The following UNC5C variants were observed in gnomAD, a reference collection of about 807,000 sequenced individuals.
UNC5C encodes the protein unc-5 netrin receptor C.
Under a neutral mutation model 99.8 loss-of-function variants are expected in UNC5C, and 47 were observed. The observed-to-expected ratio is 0.47, with a 90% CI of 0.37 to 0.60. The LOEUF is 0.60. Ranked by LOEUF, UNC5C falls within the 20% of genes least tolerant of loss-of-function variation. UNC5C has a pLI of 0.00. For missense variants in UNC5C, 1,062 were observed against 1,165.9 expected (o/e 0.91, Z 1.30); for synonymous variants, 487 against 452.2 (o/e 1.08, Z -0.98).
At chr4:95,544,171 G>A (rs918111810) in intron 1 of UNC5C, among the ~76,000 whole-genome samples, 7 of 152,260 alleles carry the variant, frequency 4.6e-5, no homozygotes, top group African/African-American at 7.2e-5. Context: ...ACTAAGGCAC[G>A]GAAACGTTAA....
At chr4:95,510,814 ATTC>A (rs1722051218) in intron 1 of UNC5C, among the ~76,000 whole-genome samples, 1 of 152,130 alleles carries the variant, frequency 6.6e-6, no homozygotes, top group South Asian at 2.1e-4. Context: ...CCTGTGGAAT[ATTC>A]TTCAACACTG....
chr4:95,402,980 T>G (rs1745741168), intron 1 of UNC5C, among the ~76,000 whole-genome samples: 1 of 152,182 alleles, frequency 6.6e-6, no homozygotes, highest in Non-Finnish European at 1.5e-5. Context: ...TAAAAATACA[T>G]TGTAAGGTGT....
intron 1 of UNC5C, among the ~76,000 whole-genome samples, chr4:95,414,440 T>C (rs950823617): frequency 1.3e-5 from 2 of 152,228 alleles, no homozygotes; most frequent in Non-Finnish European, 2.9e-5. Context: ...CTGTGAAGCC[T>C]GTCAGCAGTG....
chr4:95,420,845 G>T (rs1360590287), intron 1 of UNC5C, among the ~76,000 whole-genome samples: 2 of 152,122 alleles, frequency 1.3e-5, no homozygotes, highest in Non-Finnish European at 2.9e-5. Context: ...ATGAAGAAAA[G>T]TTTCCACTAA....
At chr4:95,335,178 C>G (rs972755920) in intron 2 of UNC5C, among the ~76,000 whole-genome samples, 65 of 151,936 alleles carry the variant, frequency 4.3e-4, no homozygotes, top group African/African-American at 1.2e-3. Flanking sequence ...AAGTATGAAC[C>G]ATGTTTTAAT....
chr4:95,223,141 G>A (rs1330849506), intron 7 of UNC5C, among the ~76,000 whole-genome samples: 1 of 152,098 alleles, frequency 6.6e-6, no homozygotes, highest in African/African-American at 2.4e-5. Flanking sequence ...GAATAAGATA[G>A]GGAAAAGTCA....
chr4:95,266,981 C>T (rs957637548), intron 4 of UNC5C, among the ~76,000 whole-genome samples: 2 of 152,166 alleles, frequency 1.3e-5, no homozygotes, highest in Non-Finnish European at 2.9e-5. Context: ...AAAAATGAAG[C>T]TACCAAAGAC....
chr4:95,353,059 A>T (rs1744045473), intron 1 of UNC5C, among the ~76,000 whole-genome samples: 1 of 152,130 alleles, frequency 6.6e-6, no homozygotes, highest in East Asian at 1.9e-4. Context: ...AGCCTTTAAA[A>T]TTTTTTCCAC....
chr4:95,434,448 C>G (rs538029227), intron 1 of UNC5C, among the ~76,000 whole-genome samples: 2 of 152,052 alleles, frequency 1.3e-5, no homozygotes, highest in South Asian at 4.2e-4. Context: ...AGAAGGGGCA[C>G]CTTACTTGAA....
intron 1 of UNC5C, among the ~76,000 whole-genome samples, chr4:95,481,988 C>T (rs1721171222): frequency 6.6e-6 from 1 of 152,176 alleles, no homozygotes; most frequent in South Asian, 2.1e-4. Context: ...GCAATGGCAA[C>T]AAAAGCCAAA....
intron 10 of UNC5C, among the ~76,000 whole-genome samples, chr4:95,210,148 A>G (rs528453854): frequency 6.6e-6 from 1 of 152,192 alleles, no homozygotes; most frequent in African/African-American, 2.4e-5. Flanking sequence ...CTGGCATGCA[A>G]TATTGATGGG....
At chr4:95,352,048 C>G (rs1744011686) in intron 1 of UNC5C, among the ~76,000 whole-genome samples, 1 of 152,128 alleles carries the variant, frequency 6.6e-6, no homozygotes, top group Admixed American at 6.6e-5. Context: ...TTTAGTCTCT[C>G]CCCAAGGCAT....
Position 95,339,903 on chromosome 4 carries a change from C to T in UNC5C, c.125-4272G>A, listed in dbSNP as rs187218067. Among the ~76,000 whole-genome samples the T allele has an allele frequency of 9.2e-5, 14 of 151,946 alleles. No individual in the cohort carries two copies. In the East Asian group the frequency reaches 1.4e-3, roughly 15 times the overall value. On this transcript the variant is annotated intron_variant, in intron 1 of 15. Coordinates refer to ENST00000453304, the MANE Select transcript of UNC5C (RefSeq NM_003728.4). ...TAACGCATTTTTGATTTAGATGTAACGCTATTATTCATTTTACCCTCCTCT... is the reference window on the plus strand; with the variant it reads ...TAACGCATTTTTGATTTAGATGTAATGCTATTATTCATTTTACCCTCCTCT...
At chr4:95,289,557 C>G (rs1579298891) in intron 3 of UNC5C, among the ~76,000 whole-genome samples, 1 of 152,126 alleles carries the variant, frequency 6.6e-6, no homozygotes, top group Non-Finnish European at 1.5e-5. Context: ...TGAACACATT[C>G]TAATATTTTT....
Position 95,288,161 on chromosome 4 carries a change from A to G in UNC5C, c.491-9799T>C, listed in dbSNP as rs186330056. ...GCAGTGGCGCGACCTCTGCTCACTG[A>G]AAACTCTGCCTCCTGGTTTCACACC... On this transcript the variant is annotated intron_variant, in intron 3 of 15. Coordinates refer to ENST00000453304, the MANE Select transcript of UNC5C (RefSeq NM_003728.4). 4.0e-4 allele frequency among the ~76,000 whole-genome samples: 60 copies of G among 151,862 alleles called. 1 individual carries two copies. In the East Asian group the frequency reaches 0.011, roughly 27 times the overall value.
chr4:95,538,607 T>A (rs1293659306), intron 1 of UNC5C, among the ~76,000 whole-genome samples: 1 of 152,152 alleles, frequency 6.6e-6, no homozygotes, highest in African/African-American at 2.4e-5. Flanking sequence ...CCCCACATCA[T>A]CAATGAATGG....
At chr4:95,329,639 G>A (rs986263157) in intron 2 of UNC5C, among the ~76,000 whole-genome samples, 7 of 152,068 alleles carry the variant, frequency 4.6e-5, no homozygotes, top group African/African-American at 7.2e-5. Context: ...AACTCTGCTC[G>A]ATTTTCTATT....
intron 14 of UNC5C, 63 bp downstream of exon 14, chr4:95,182,834 A>C: frequency 2.9e-5 from 45 of 1,538,916 alleles, no homozygotes; most frequent in East Asian, 4.6e-5. Context: ...CTTTTAGCCC[A>C]CACACTCTGT....
chr4:95,436,904 A>T (rs947385238), intron 1 of UNC5C, among the ~76,000 whole-genome samples: 1 of 151,628 alleles, frequency 6.6e-6, no homozygotes, highest in Non-Finnish European at 1.5e-5. Flanking sequence ...TAATGCTTCA[A>T]TGAAGGCAGG....
Sources: gnomAD v4.1 joint callset for allele counts (sites outside exome capture counted in the v4.1 genomes callset) on GRCh38, gnomAD v4.1.1 for gene constraint, MANE v1.5 for transcripts, NCBI Gene and HGNC (gene_info 2026-07-23, HGNC 2026-07-21) for gene names.